Variants in EYS observed in about 807,000 individuals in gnomAD.
EYS encodes the protein protein eyes shut homolog.
EYS carries 250 observed loss-of-function variants against 282.1 expected under a neutral mutation model. The ratio of observed to expected loss-of-function variants is 0.89; its 90% CI spans 0.80 to 0.98. The LOEUF (loss-of-function observed/expected upper bound fraction) is 0.98, where lower values mean the gene tolerates loss of function less well. Among genes scored for constraint, EYS ranks in the 50% least tolerant of loss-of-function variants. EYS has a pLI of 0.00. For missense variants in EYS, 4,016 were observed against 3,709.0 expected, an observed-to-expected ratio of 1.08 and a Z score of -2.15; for synonymous variants, 1,355 against 1,282.9, an observed-to-expected ratio of 1.06 and a Z score of -1.20.
intron 35 of EYS, among the ~76,000 whole-genome samples, chr6:63,978,999 AATAC>A (rs1214700230): frequency 3.3e-5 from 5 of 151,976 alleles, no homozygotes; most frequent in South Asian, 2.1e-4. Flanking sequence ...ATGCTAAACA[AATAC>A]ATACCCTGTT....
intron 8 of EYS, among the ~76,000 whole-genome samples, chr6:65,374,287 C>T (rs1038047514): frequency 6.6e-5 from 10 of 152,084 alleles, no homozygotes; most frequent in African/African-American, 2.4e-4. Flanking sequence ...TGTGAGTTTA[C>T]ATAAGGGGTC....
At chr6:64,685,381 T>A (rs1770055991) in intron 22 of EYS, among the ~76,000 whole-genome samples, 1 of 152,238 alleles carries the variant, frequency 6.6e-6, no homozygotes, top group Non-Finnish European at 1.5e-5. Flanking sequence ...TTTGTATGTT[T>A]GTCTCCTCCA....
rs1314651785 is a variant in EYS at position 64,544,437 on chromosome 6, T to A, written c.5644+45786A>T. 1.3e-5 allele frequency among the ~76,000 whole-genome samples: 2 copies of A among 152,142 alleles called. 1 individual carries two copies. Among genetic ancestry groups the A allele is most frequent in the South Asian group, 4.1e-4 (2 of 4,834 alleles). On this transcript the variant is annotated intron_variant, in intron 26 of 42. Coordinates refer to ENST00000503581, the MANE Select transcript of EYS (RefSeq NM_001142800.2). ...ACATATTAGGAACTGCAGGAAACCATCTAGCACTCCTAGACTGGAGAGAGA... is the reference window on the plus strand; with the variant it reads ...ACATATTAGGAACTGCAGGAAACCAACTAGCACTCCTAGACTGGAGAGAGA...
chr6:64,591,475 C>G lies in EYS; in HGVS notation c.4392G>C (p.Gly1464=). ...AATATTCTTCAATATCCTCTTGAGCCCCCCTAGAGACAACTGGAGTTGCAC... is the reference window on the plus strand; with the variant it reads ...AATATTCTTCAATATCCTCTTGAGCGCCCCTAGAGACAACTGGAGTTGCAC... ...SISATPVVSR[G]AQEDIEEYSA... Residue 1464 remains glycine, a synonymous_variant, in exon 26 of 43, where the codon GGG becomes GGC. Coordinates refer to ENST00000503581, the MANE Select transcript of EYS (RefSeq NM_001142800.2). The G allele has an allele frequency of 1.3e-6, 2 of 1,551,234 alleles. No homozygotes were observed. The highest frequency in any genetic ancestry group is 8.7e-7 in the Non-Finnish European group (1 of 1,146,768).
At chr6:63,919,740 T>C (rs970488927) in intron 35 of EYS, among the ~76,000 whole-genome samples, 1 of 152,226 alleles carries the variant, frequency 6.6e-6, no homozygotes, top group East Asian at 1.9e-4. Flanking sequence ...AAACTTCCTC[T>C]GCTTGCTACA....
chr6:65,065,731 A>G (rs138938307), intron 12 of EYS, among the ~76,000 whole-genome samples: 1 of 152,234 alleles, frequency 6.6e-6, no homozygotes, highest in Non-Finnish European at 1.5e-5. Flanking sequence ...GATTTATAGT[A>G]ATTCTTCTTC....
chr6:64,312,176 T>TG (rs779578674), intron 29 of EYS, among the ~76,000 whole-genome samples: 23 of 152,078 alleles, frequency 1.5e-4, no homozygotes, highest in Non-Finnish European at 2.9e-4. Context: ...CGACCTAGGA[T>TG]GCTCGAGCTT....
chr6:63,768,580 C>T (rs976174951), intron 40 of EYS, among the ~76,000 whole-genome samples: 2 of 151,856 alleles, frequency 1.3e-5, no homozygotes, highest in Admixed American at 6.6e-5. Context: ...AAAATGACAG[C>T]CATTGGTGAG....
intron 30 of EYS, among the ~76,000 whole-genome samples, chr6:64,244,002 G>A (rs1258617177): frequency 6.6e-6 from 1 of 151,616 alleles, no homozygotes; most frequent in Non-Finnish European, 1.5e-5. Context: ...TAACTTATTG[G>A]GTCAAAAAAA....
chr6:63,990,264 AC>A (rs1767546517), intron 34 of EYS, among the ~76,000 whole-genome samples: 1 of 151,726 alleles, frequency 6.6e-6, no homozygotes, highest in African/African-American at 2.4e-5. Flanking sequence ...CACAGAAGCA[AC>A]AAAAATACAT....
intron 12 of EYS, among the ~76,000 whole-genome samples, chr6:65,134,861 G>A (rs935240490): frequency 3.2e-4 from 49 of 151,882 alleles, no homozygotes; most frequent in African/African-American, 1.2e-3. Context: ...TTTGGGTCAG[G>A]GATTATATAA....
rs185115540 is a variant in EYS, at chr6:64,438,260, C to A, written c.5835+902G>T. Among the ~76,000 whole-genome samples the A allele has an allele frequency of 5.2e-3, 793 of 151,824 alleles. 2 individuals are homozygous for A. Among genetic ancestry groups the A allele is most frequent in the Middle Eastern group, 0.014 (4 of 294 alleles). ...TTGCATTCTTAACGTTTATTGAGAA[C>A]CCCAAGGAGTTTTTGTTAACTCAGT... On this transcript the variant is annotated intron_variant, in intron 27 of 42. Coordinates refer to ENST00000503581, the MANE Select transcript of EYS (RefSeq NM_001142800.2).
intron 22 of EYS, among the ~76,000 whole-genome samples, chr6:64,635,679 T>A (rs1223430292): frequency 1.3e-5 from 2 of 152,234 alleles, no homozygotes; most frequent in Non-Finnish European, 2.9e-5. Flanking sequence ...GAAGCCCACT[T>A]GATCATGGTG....
rs1192144288 is a variant in EYS, at chr6:63,792,746, G to GT, written c.7412-3523dup. 3.3e-5 allele frequency among the ~76,000 whole-genome samples: 5 copies of GT among 151,776 alleles called. No homozygotes were observed. In the East Asian group the frequency reaches 9.7e-4, roughly 29 times the overall value. ...TAAGGCCTGATTGGTATTAGTAACT[G>GT]TAAGAGGGCCAAGGCATGAAACTTG... On this transcript the variant is annotated intron_variant, in intron 37 of 42. Transcript: ENST00000503581.
At chr6:64,814,730 T>C (rs764170143) in intron 21 of EYS, among the ~76,000 whole-genome samples, 1 of 151,960 alleles carries the variant, frequency 6.6e-6, no homozygotes, top group African/African-American at 2.4e-5. Context: ...AGTAAAACTG[T>C]TTATTTTCAA....
Position 64,590,463 on chromosome 6 carries a change from G to T in EYS, c.5404C>A (p.Leu1802Ile). The change falls in exon 26 of 43, where the codon CTT (leucine) becomes ATT (isoleucine). Residue 1802 changes from leucine to isoleucine, a missense_variant. Coordinates refer to ENST00000503581, the MANE Select transcript of EYS (RefSeq NM_001142800.2). ...ATGGAGGAAGACGTCTGTATTGAAA[G>T]TGCTGGAGTTGCTGAAACTGTATAA... ...AFYTVSATPA[L>I]SIQTSSSMSV... is the part of the protein sequence containing the mutation. The T allele has an allele frequency of 6.4e-7, 1 of 1,551,440 alleles. No individual in the cohort carries two copies. Among genetic ancestry groups the T allele is most frequent in the Non-Finnish European group, 8.7e-7 (1 of 1,146,782 alleles).
At position 64,649,074 on chromosome 6, in the gene EYS, A is replaced by G. The variant is rs566018725; in HGVS notation, c.3444-22829T>C. On this transcript the variant is annotated intron_variant, in intron 22 of 42. Coordinates refer to ENST00000503581, the MANE Select transcript of EYS (RefSeq NM_001142800.2). ...GAAAATAGAAGAAATGATTTAGAAG[A>G]TCTAACAGTTAAGAATTGATGAGTC... Among the ~76,000 whole-genome samples, 7 of 152,204 alleles carry G rather than the reference A, an allele frequency of 4.6e-5. No homozygotes were observed. The East Asian group carries it at 1.4e-3, about 29-fold the overall frequency.
chr6:64,674,267 C>T (rs1445906285), intron 22 of EYS, among the ~76,000 whole-genome samples: 1 of 152,062 alleles, frequency 6.6e-6, no homozygotes, highest in East Asian at 1.9e-4. Context: ...GCTGATACAT[C>T]ATGTAGAGAA....
intron 8 of EYS, among the ~76,000 whole-genome samples, chr6:65,377,166 TA>T (rs1371377292): frequency 6.6e-6 from 1 of 151,742 alleles, no homozygotes; most frequent in East Asian, 1.9e-4. Flanking sequence ...GATGCAAATG[TA>T]AAAAAACAGC....
Sources: allele counts gnomAD v4.1 joint callset (sites outside exome capture counted in the v4.1 genomes callset), GRCh38; gene constraint gnomAD v4.1.1; transcripts MANE v1.5; gene names NCBI Gene and HGNC (gene_info 2026-07-23, HGNC 2026-07-21).